Variants in DUS2 observed in about 807,000 individuals in gnomAD.
The protein encoded by DUS2 is tRNA-dihydrouridine(20) synthase [NAD(P)+]-like.
A neutral mutation model predicts 71.3 loss-of-function variants in DUS2; 52 were observed. That is an observed-to-expected ratio of 0.73 (90% CI 0.58 to 0.92). The LOEUF is 0.92. Among genes scored for constraint, DUS2 ranks in the 40% least tolerant of loss-of-function variants. The probability of loss-of-function intolerance (pLI) is 0.00; values close to 1 mark genes in which losing one functional copy is unlikely to be tolerated. For missense variants in DUS2, 558 were observed against 622.6 expected, an observed-to-expected ratio of 0.90 and a Z score of 1.10; for synonymous variants, 204 against 227.8, an observed-to-expected ratio of 0.90 and a Z score of 0.94.
intron 2 of DUS2, among the ~76,000 whole-genome samples, chr16:68,026,547 C>T (rs2033353412): frequency 6.6e-6 from 1 of 152,014 alleles, no homozygotes; most frequent in South Asian, 2.1e-4. Context: ...TTGTTTTTTA[C>T]CCTCTGGTCT....
chr16:68,033,634 ATTTTTTTTT>A (rs548683357), intron 2 of DUS2, among the ~76,000 whole-genome samples: 5 of 125,358 alleles, frequency 4.0e-5, no homozygotes, highest in African/African-American at 1.2e-4. Context: ...ACAGGTGCTA[ATTTTTTTTT>A]TTTTTTTTTT....
intron 2 of DUS2, 26 bp from the exon 3 acceptor site, chr16:68,037,980 A>C (rs1479777371): frequency 6.3e-7 from 1 of 1,597,010 alleles, no homozygotes; most frequent in Non-Finnish European, 8.5e-7. Flanking sequence ...TGAATTTCTG[A>C]CTCTTGTTTC....
chr16:68,070,780 G>A (rs2034073456), intron 11 of DUS2, among the ~76,000 whole-genome samples, 160 bp from the exon 12 acceptor site: 1 of 152,214 alleles, frequency 6.6e-6, no homozygotes, highest in South Asian at 2.1e-4. Flanking sequence ...TTCATAATGG[G>A]ATATGGATTC....
intron 2 of DUS2, among the ~76,000 whole-genome samples, chr16:68,032,452 A>G (rs1035207091): frequency 1.3e-5 from 2 of 152,200 alleles, no homozygotes; most frequent in Non-Finnish European, 2.9e-5. Flanking sequence ...GTGTGGACAC[A>G]TGGAGTGTAA....
chr16:68,059,533 A>C (rs2033909921), intron 7 of DUS2, among the ~76,000 whole-genome samples: 1 of 152,146 alleles, frequency 6.6e-6, no homozygotes, highest in African/African-American at 2.4e-5. Flanking sequence ...TTTATGACCA[A>C]TGTAGTCCAG....
intron 8 of DUS2, among the ~76,000 whole-genome samples, chr16:68,064,569 T>A (rs1301199127): frequency 1.3e-5 from 2 of 152,232 alleles, no homozygotes; most frequent in African/African-American, 2.4e-5. Context: ...CTTTTAGAGA[T>A]GTTGCTCTGA....
intron 4 of DUS2, among the ~76,000 whole-genome samples, chr16:68,052,997 C>T (rs1281067598): frequency 6.6e-6 from 1 of 150,566 alleles, no homozygotes; most frequent in African/African-American, 2.5e-5. Flanking sequence ...GAGTCTTGCT[C>T]TGTCGCCCAG....
chr16:68,054,465 T>G, intron 5 of DUS2, 109 bp from the exon 6 acceptor site: 3 of 1,203,954 alleles, frequency 2.5e-6, no homozygotes, highest in Non-Finnish European at 3.7e-6. Flanking sequence ...CTGACTCTGT[T>G]GTTGGTGTGT....
intron 3 of DUS2, among the ~76,000 whole-genome samples, chr16:68,040,422 C>T (rs1450551009): frequency 6.6e-6 from 1 of 152,074 alleles, no homozygotes; most frequent in East Asian, 1.9e-4. Flanking sequence ...TTAGGGCCCA[C>T]GATTTATGTG....
chr16:68,044,048 A>G (rs1405676969), intron 3 of DUS2, among the ~76,000 whole-genome samples: 1 of 152,146 alleles, frequency 6.6e-6, no homozygotes, highest in Non-Finnish European at 1.5e-5. Context: ...GCTGGTCTGT[A>G]TGTCTACCTG....
At chr16:68,057,255 GAGAGAGAA>G (rs1266860441) in intron 7 of DUS2, among the ~76,000 whole-genome samples, 14 of 144,942 alleles carry the variant, frequency 9.7e-5, no homozygotes, top group Non-Finnish European at 1.5e-4. Context: ...TATAGAGAGA[GAGAGAGAA>G]AGAGAGAGAG....
At chr16:68,045,672 C>A (rs1598305272) in intron 3 of DUS2, among the ~76,000 whole-genome samples, 1 of 150,480 alleles carries the variant, frequency 6.6e-6, no homozygotes, top group Non-Finnish European at 1.5e-5. Flanking sequence ...AATATGGATG[C>A]CTTTTATTTT....
intron 14 of DUS2, among the ~76,000 whole-genome samples, chr16:68,075,736 C>T (rs773580197): frequency 8.5e-5 from 13 of 152,100 alleles, no homozygotes; most frequent in South Asian, 2.1e-4. Flanking sequence ...CCTGATTTAC[C>T]GCCTCCCACA....
At chr16:68,077,478 C>G (rs1341615892) in intron 15 of DUS2, 2 of 152,188 alleles carry the variant, frequency 1.3e-5, no homozygotes, top group African/African-American at 4.8e-5. Context: ...ACCTCCGCCT[C>G]CAGGTTCAAG....
Position 68,078,463 on chromosome 16 carries a change from C to T in DUS2, c.1189C>T (p.Arg397Cys), listed in dbSNP as rs765423786. ...GTATCAGGTTCAACGCCCTCTAGAT[C>T]GCCTGTTCTCCTCTATTGTCACCGT... ...VYETVQRPLD[R>C]LFSSIVTVAE... Residue 397 changes from arginine to cysteine, a missense_variant, in exon 16 of 17, where the codon CGC becomes TGC. By Grantham distance (180) the Arg-to-Cys change is radical (BLOSUM62 -3). Coordinates refer to ENST00000565263, the MANE Select transcript of DUS2 (RefSeq NM_017803.5). 1.5e-5 allele frequency: 25 copies of T among 1,614,034 alleles called. No homozygotes were observed. Among genetic ancestry groups the T allele is most frequent in the Admixed American group, 6.7e-5 (4 of 60,010 alleles).
chr16:68,030,607 A>T (rs2033423121), intron 2 of DUS2, among the ~76,000 whole-genome samples: 1 of 152,036 alleles, frequency 6.6e-6, no homozygotes. Context: ...TAAATAAATA[A>T]ATAAATAAAA....
rs1567476583 is a variant in DUS2, at chr16:68,054,524, ATGTGTATC to A, written c.265-44_265-37del. The A allele has an allele frequency of 8.7e-6, 14 of 1,606,322 alleles. No individual in the cohort carries two copies. In the South Asian group the frequency reaches 1.5e-4, roughly 18 times the overall value. Reference sequence around the variant, plus strand: ...GCTGCATGGGTGTGTTTGTCAGTGCATGTGTATCTGTGTCAGGGCAGTGGTTGATGCAG... The same window carrying A: ...GCTGCATGGGTGTGTTTGTCAGTGCATGTGTCAGGGCAGTGGTTGATGCAG... On this transcript the variant is annotated intron_variant, in intron 5 of 16. Coordinates refer to ENST00000565263, the MANE Select transcript of DUS2 (RefSeq NM_017803.5).
intron 3 of DUS2, among the ~76,000 whole-genome samples, chr16:68,046,125 G>C (rs1370654722): frequency 1.3e-5 from 2 of 152,106 alleles, no homozygotes; most frequent in Admixed American, 6.5e-5. Flanking sequence ...TGAGGGTTTG[G>C]CTTCTATTGA....
intron 2 of DUS2, 69 bp from the exon 3 acceptor site, chr16:68,037,937 C>T: frequency 6.7e-7 from 1 of 1,498,266 alleles, no homozygotes; most frequent in Non-Finnish European, 9.1e-7. Context: ...GAAGGGAAGC[C>T]TGCTCTTGAT....
Sources: allele counts gnomAD v4.1 joint callset (sites outside exome capture counted in the v4.1 genomes callset), GRCh38; gene constraint gnomAD v4.1.1; transcripts MANE v1.5; gene names NCBI Gene and HGNC (gene_info 2026-07-23, HGNC 2026-07-21).